The following FBN3 variants were observed in gnomAD, a reference collection of about 807,000 sequenced individuals.
The protein encoded by FBN3 is fibrillin-3.
A neutral mutation model predicts 330.1 loss-of-function variants in FBN3; 234 were observed. The observed-to-expected ratio is 0.71, with a 90% CI of 0.64 to 0.79. The LOEUF (loss-of-function observed/expected upper bound fraction) is 0.79, where lower values mean the gene tolerates loss of function less well. Among genes scored for constraint, FBN3 ranks in the 30% least tolerant of loss-of-function variants. FBN3 has a pLI of 0.00. For missense variants in FBN3, 3,606 were observed against 3,886.9 expected (o/e 0.93, Z 1.92); for synonymous variants, 1,458 against 1,517.3 (o/e 0.96, Z 0.91).
chr19:8,096,850 TC>T lies in FBN3; in HGVS notation c.5413+30del. 6.2e-7 allele frequency: 1 copy of T among 1,608,254 alleles called. No individual in the cohort carries two copies. The highest frequency in any genetic ancestry group is 8.5e-7 in the Non-Finnish European group (1 of 1,178,754). On this transcript the variant is annotated intron_variant, in intron 43 of 63. Coordinates refer to ENST00000600128, the MANE Select transcript of FBN3 (RefSeq NM_032447.5). This position sits in a 1 kb window ranked among gnomAD's most constrained non-coding sequence, Gnocchi z 4.6. ...GTCCCCATGGGTGACAGAGCCCAGC[TC>T]CCTCACCTCCTCCCAGGGACCCTGC...
At chr19:8,102,060 C>A (rs1486690452) in intron 40 of FBN3, among the ~76,000 whole-genome samples, 1 of 152,110 alleles carries the variant, frequency 6.6e-6, no homozygotes, top group Non-Finnish European at 1.5e-5. Flanking sequence ...CTCGTGAGAT[C>A]TGACAGTTTT....
chr19:8,083,518 G>T, intron 56 of FBN3, 146 bp from the exon 57 acceptor site: 1 of 931,096 alleles, frequency 1.1e-6, no homozygotes, highest in Non-Finnish European at 1.6e-6. Flanking sequence ...CAGCCCACGT[G>T]GACCCCATCC....
At chr19:8,144,399 AAAAG>A (rs1330018771) in intron 6 of FBN3, among the ~76,000 whole-genome samples, 3 of 151,646 alleles carry the variant, frequency 2.0e-5, no homozygotes, top group Non-Finnish European at 2.9e-5. Context: ...TCTCAAAAAA[AAAAG>A]AGAGAATTAG....
In FBN3 at chr19:8,125,876, C is replaced by A. The variant is rs750674543; in HGVS notation, c.2731+16G>T. On this transcript the variant is annotated intron_variant, in intron 22 of 63. Transcript: ENST00000600128. ...AAGAACGTGTGGCCCTGTATGCGGA[C>A]CTCGCCTGGACTCACCCACGCACAG... 1.9e-6 allele frequency: 3 copies of A among 1,599,222 alleles called. No individual in the cohort carries two copies. Among genetic ancestry groups the A allele is most frequent in the Non-Finnish European group, 2.6e-6 (3 of 1,174,508 alleles).
At chr19:8,117,342 A>G (rs2082729120) in intron 27 of FBN3, 51 bp from the exon 28 acceptor site, 1 of 659,790 alleles carries the variant, frequency 1.5e-6, no homozygotes, top group Non-Finnish European at 2.5e-6. Context: ...GGGGTCCAGG[A>G]TGGGGAGGGG....
rs764625365 is a variant in FBN3, at chr19:8,141,953, C to T, written c.726G>A (p.Thr242=). The change falls in exon 7 of 64, where the codon ACG becomes ACA. Residue 242 remains threonine, a synonymous_variant. Transcript: ENST00000600128. ...CCCACTATTCACCTTGGCAGGCCCC[C>T]GTGTGGATATTGGGGATGAAGCCGC... ...CRRGFIPNIH[T]GACQDVDECQ... is the part of the protein sequence containing the mutation. 1.6e-5 allele frequency: 26 copies of T among 1,614,102 alleles called. No individual in the cohort carries two copies. The highest frequency in any genetic ancestry group is 4.4e-5 in the South Asian group (4 of 91,088).
At chr19:8,097,046 G>A (rs201170974) in intron 42 of FBN3, 40 bp from the exon 43 acceptor site, 2 of 1,600,830 alleles carry the variant, frequency 1.2e-6, no homozygotes, top group East Asian at 2.2e-5. Flanking sequence ...TGACAGAGAA[G>A]CCCATCCTGA....
chr19:8,117,614 C>T (rs754025950), intron 26 of FBN3, 25 bp from the exon 27 acceptor site: 20 of 1,508,040 alleles, frequency 1.3e-5, no homozygotes, highest in Non-Finnish European at 1.8e-5. Flanking sequence ...AGGTGAAAGA[C>T]GGGCCTGTGC....
intron 42 of FBN3, 123 bp downstream of exon 42, chr19:8,097,166 G>A: frequency 6.8e-7 from 1 of 1,468,496 alleles, no homozygotes; most frequent in South Asian, 1.3e-5. Flanking sequence ...TTGGAAAGGT[G>A]TTAGCCCATT....
At position 8,118,934 on chromosome 19, in the gene FBN3, A is replaced by AG. The variant is rs752270178; in HGVS notation, c.3299dup (p.Gly1101TrpfsTer3). 4.3e-6 allele frequency: 7 copies of AG among 1,613,252 alleles called. No individual in the cohort carries two copies. The highest frequency in any genetic ancestry group is 4.0e-5 in the African/African-American group (3 of 74,920). ...TGCCCTTGGCCGTCAGCTCATGCCC[A>AG]GGGGGACACTGGCACTTGTAGCTCC... On this transcript the variant is annotated frameshift_variant, in exon 26 of 64. Transcript: ENST00000600128. LOFTEE classifies it high-confidence loss of function.
At chr19:8,073,925 C>CAGGTAGGGG (rs1362408200) in intron 61 of FBN3, among the ~76,000 whole-genome samples, 1 of 152,084 alleles carries the variant, frequency 6.6e-6, no homozygotes, top group African/African-American at 2.4e-5. Flanking sequence ...CAAATGATCC[C>CAGGTAGGGG]CCTACCTCAA....
chr19:8,088,217 G>C (rs1240850029), intron 51 of FBN3, 38 bp from the exon 52 acceptor site: 1 of 1,552,476 alleles, frequency 6.4e-7, no homozygotes, highest in African/African-American at 1.4e-5. Context: ...ACCTGCAGAG[G>C]GTCCCCCATC....
At chr19:8,066,762 C>G (rs1309327357) in intron 63 of FBN3, among the ~76,000 whole-genome samples, 1 of 152,108 alleles carries the variant, frequency 6.6e-6, no homozygotes, top group Non-Finnish European at 1.5e-5. Flanking sequence ...GCCTGTAGTC[C>G]CAGCTACTTG....
At chr19:8,126,161 AC>A in intron 21 of FBN3, 135 bp downstream of exon 21, 1 of 1,426,350 alleles carries the variant, frequency 7.0e-7, no homozygotes, top group Non-Finnish European at 9.7e-7. Flanking sequence ...AGGCCTGGGG[AC>A]CAGGTAGGGA....
rs2082586729 is a variant in FBN3 at position 8,111,648 on chromosome 19, C to G, written c.4084G>C (p.Asp1362His). The change falls in exon 32 of 64, where the codon GAC becomes CAC. Residue 1362 changes from aspartate to histidine, a missense_variant and splice_region_variant. Transcript: ENST00000600128. ...GFAGDGFFCE[D>H]RDECAENVDL... ...TGCCCTCCCACCCCTCTAATCTCAC[C>G]TTCGCAGAAGAAGCCATCCCCGGCA... 6.2e-7 allele frequency: 1 copy of G among 1,606,036 alleles called. No homozygotes were observed. Among genetic ancestry groups the G allele is most frequent in the African/African-American group, 1.3e-5 (1 of 74,724 alleles).
intron 8 of FBN3, 125 bp from the exon 9 acceptor site, chr19:8,138,689 C>T: frequency 9.9e-7 from 1 of 1,015,166 alleles, no homozygotes; most frequent in South Asian, 1.7e-5. Context: ...CCTCAGTTTC[C>T]TCTCCATAAA....
chr19:8,135,936 G>GGGGGGGGGGGGCGCCCCCCCCC, intron 13 of FBN3, 25 bp downstream of exon 13: 2 of 668,776 alleles, frequency 3.0e-6, no homozygotes, highest in Non-Finnish European at 4.8e-6. Flanking sequence ...GGAAGCCCCT[G>GGGGGGGGGGGGCGCCCCCCCCC]CCCACCCGCC....
chr19:8,100,449 T>C (rs531601927), intron 41 of FBN3, among the ~76,000 whole-genome samples: 1 of 152,114 alleles, frequency 6.6e-6, no homozygotes, highest in South Asian at 2.1e-4. Flanking sequence ...GCAATTCTCA[T>C]GCCTCAGCCT....
intron 45 of FBN3, 130 bp from the exon 46 acceptor site, chr19:8,095,633 A>G (rs10413994): frequency 0.99 from 861,613 of 874,308 alleles, 425,150 homozygotes; most frequent in Non-Finnish European, 1. Flanking sequence ...TGTATAGACT[A>G]TGTATATTAG....
Sources: allele counts gnomAD v4.1 joint callset (sites outside exome capture counted in the v4.1 genomes callset), GRCh38; gene constraint gnomAD v4.1.1; non-coding constraint Gnocchi (gnomAD v3.1); transcripts MANE v1.5; gene names NCBI Gene and HGNC (gene_info 2026-07-23, HGNC 2026-07-21).